AHI1: variants seen among roughly 807,000 people sequenced by gnomAD.
The protein encoded by AHI1 is Abelson helper integration site 1.
Under a neutral mutation model 149.3 loss-of-function variants are expected in AHI1, and 123 were observed. The ratio of observed to expected loss-of-function variants is 0.82; its 90% CI spans 0.71 to 0.96. AHI1 has a LOEUF of 0.96. Ranked by LOEUF, AHI1 falls within the 40% of genes least tolerant of loss-of-function variation. The pLI, the probability that AHI1 is intolerant of heterozygous loss-of-function variation, is 0.00. For synonymous variants in AHI1, 475 were observed against 459.8 expected (o/e 1.03, Z -0.42); for missense variants, 1,439 against 1,422.7 (o/e 1.01, Z -0.18).
Position 135,457,508 on chromosome 6 carries a change from G to T in AHI1, c.1137C>A (p.Val379=). Reference sequence around the variant, plus strand: ...AAAAAAATTACCTATCATCTTTCTTGACATATTGACCAGTATGCTCATCAA... The same window carrying T: ...AAAAAAATTACCTATCATCTTTCTTTACATATTGACCAGTATGCTCATCAA... ...HVVDEHTGQY[V]KKDDSGRPVS... The change falls in exon 9 of 29, where the codon GTC becomes GTA. Residue 379 remains valine (V), a synonymous_variant. Transcript: ENST00000265602. The T allele has an allele frequency of 6.2e-7, 1 of 1,611,066 alleles. No homozygotes were observed. The highest frequency in any genetic ancestry group is 1.1e-5 in the South Asian group (1 of 90,634).
chr6:135,322,243 T>A (rs1044274523), intron 25 of AHI1, among the ~76,000 whole-genome samples: 2 of 152,222 alleles, frequency 1.3e-5, no homozygotes, highest in Non-Finnish European at 2.9e-5. Flanking sequence ...AGGTTAGAAG[T>A]CAGTTTTCCT....
chr6:135,420,822 T>A (rs963093442), intron 20 of AHI1, among the ~76,000 whole-genome samples: 7 of 152,210 alleles, frequency 4.6e-5, no homozygotes, highest in African/African-American at 1.4e-4. Context: ...TGAAGAACTT[T>A]TACTTCGCAT....
chr6:135,356,669 T>C (rs928394803), intron 24 of AHI1, among the ~76,000 whole-genome samples: 1 of 152,206 alleles, frequency 6.6e-6, no homozygotes, highest in Admixed American at 6.5e-5. Context: ...CATTCTTTAA[T>C]TTTTTAATAC....
intron 27 of AHI1, among the ~76,000 whole-genome samples, chr6:135,298,967 A>G (rs1783511639): frequency 6.6e-6 from 1 of 152,074 alleles, no homozygotes; most frequent in Admixed American, 6.5e-5. Context: ...TGTTCCCATG[A>G]TGTGTTAAAC....
At position 135,433,053 on chromosome 6, in the gene AHI1, A is replaced by G; in HGVS notation, c.2240T>C (p.Ile747Thr). ...TTCAGTATCAAAACAAAGTGAGTTG[A>G]TAAAACTTTTGTGAACATCAAACTG... ...VRQFDVHKSF[I>T]NSLCFDTEGH... Residue 747 changes from isoleucine (I) to threonine (T), a missense_variant, in exon 16 of 29, where the codon ATC (isoleucine) becomes ACC (threonine). By Grantham distance (89) the Ile-to-Thr change is moderately conservative. Coordinates refer to ENST00000265602, the MANE Select transcript of AHI1 (RefSeq NM_001134831.2). 2 of 1,613,116 alleles carry G rather than the reference A, an allele frequency of 1.2e-6. No homozygotes were observed. Among genetic ancestry groups the G allele is most frequent in the Non-Finnish European group, 1.7e-6 (2 of 1,179,194 alleles).
At chr6:135,490,470 T>C (rs887327099) in intron 5 of AHI1, 153 bp downstream of exon 5, 26 of 874,718 alleles carry the variant, frequency 3.0e-5, no homozygotes, top group East Asian at 1.2e-4. Context: ...TTGATTCTAA[T>C]ATAAACTTTA....
At chr6:135,293,414 AAAAAAAAAAAGAAAAAAAG>A (rs1441399342) in intron 27 of AHI1, among the ~76,000 whole-genome samples, 5,539 of 146,040 alleles carry the variant, frequency 0.038, 135 homozygotes, top group Non-Finnish European at 0.056. Context: ...AAGAAAAAAA[AAAAAAAAAAAGAAAAAAAG>A]AAAGAAAGAA....
At chr6:135,496,736 A>C (rs1387435532) in intron 2 of AHI1, among the ~76,000 whole-genome samples, 2 of 152,222 alleles carry the variant, frequency 1.3e-5, no homozygotes, top group Non-Finnish European at 2.9e-5. Flanking sequence ...ATGTTATCGC[A>C]AGGGAAAAAA....
chr6:135,312,224 G>A (rs1157007134), intron 26 of AHI1, among the ~76,000 whole-genome samples: 1 of 152,058 alleles, frequency 6.6e-6, no homozygotes, highest in Non-Finnish European at 1.5e-5. Context: ...TACCAAACAG[G>A]GATGTGGGCT....
intron 23 of AHI1, among the ~76,000 whole-genome samples, chr6:135,377,343 C>A (rs1776096283): frequency 6.6e-6 from 1 of 152,134 alleles, no homozygotes; most frequent in South Asian, 2.1e-4. Flanking sequence ...TTACAGTAGG[C>A]AAACTGAATC....
intron 22 of AHI1, among the ~76,000 whole-genome samples, chr6:135,401,426 C>T (rs961131046): frequency 1.3e-5 from 2 of 152,060 alleles, no homozygotes; most frequent in East Asian, 1.9e-4. Context: ...AAAAAACAAG[C>T]GAGCCTTCAA....
intron 15 of AHI1, among the ~76,000 whole-genome samples, chr6:135,437,578 G>A (rs1004658877): frequency 6.6e-6 from 1 of 152,200 alleles, no homozygotes; most frequent in South Asian, 2.1e-4. Context: ...ATCAGTAGAA[G>A]AAGTGGTCTG....
intron 22 of AHI1, among the ~76,000 whole-genome samples, chr6:135,401,852 C>A (rs1395849795): frequency 4.6e-5 from 7 of 151,958 alleles, no homozygotes; most frequent in Admixed American, 2.0e-4. Context: ...CATAAAAAAA[C>A]CTTTTTGTTT....
At chr6:135,294,064 C>T (rs1261791355) in intron 27 of AHI1, among the ~76,000 whole-genome samples, 2 of 152,190 alleles carry the variant, frequency 1.3e-5, no homozygotes, top group East Asian at 1.9e-4. Flanking sequence ...TTGGCTCACA[C>T]CTGTAATCCC....
At chr6:135,348,987 C>A (rs1791663987) in intron 24 of AHI1, among the ~76,000 whole-genome samples, 1 of 152,070 alleles carries the variant, frequency 6.6e-6, no homozygotes. Context: ...CTTGTCTCAA[C>A]AACATATCTT....
intron 11 of AHI1, among the ~76,000 whole-genome samples, chr6:135,451,159 G>A (rs997591756): frequency 6.6e-6 from 1 of 151,924 alleles, no homozygotes; most frequent in Non-Finnish European, 1.5e-5. Flanking sequence ...ACCACATCTG[G>A]CAAATTTTTG....
At chr6:135,285,756 T>C in intron 28 of AHI1, 109 bp from the exon 29 acceptor site, 1 of 899,406 alleles carries the variant, frequency 1.1e-6, no homozygotes, top group Non-Finnish European at 1.7e-6. Context: ...AAGGACATTG[T>C]GTAAAACACA....
intron 23 of AHI1, among the ~76,000 whole-genome samples, chr6:135,371,546 T>C (rs1373678849): frequency 6.6e-6 from 1 of 152,218 alleles, no homozygotes; most frequent in African/African-American, 2.4e-5. Context: ...AGTCTTATCA[T>C]TCTTCTGCTC....
In AHI1 at chr6:135,302,585, T is replaced by G. The variant is rs926019453; in HGVS notation, c.3427-2027A>C. On this transcript the variant is annotated intron_variant, in intron 26 of 28. Coordinates refer to ENST00000265602, the MANE Select transcript of AHI1 (RefSeq NM_001134831.2). ...CCTTTTTAATGATGCAGAGGCAGCT[T>G]AGCCTGTGTTCAAATTATATGAATC... 9 of 1,129,786 alleles carry G rather than the reference T, an allele frequency of 8.0e-6. No homozygotes were observed. The Admixed American group carries it at 1.9e-4, about 23-fold the overall frequency. The allele number at this position is 1,129,786 out of a possible 1,614,324, so 70.0% of individuals were successfully genotyped here.
Sources: allele counts gnomAD v4.1 joint callset (sites outside exome capture counted in the v4.1 genomes callset), GRCh38; gene constraint gnomAD v4.1.1; transcripts MANE v1.5; gene names NCBI Gene and HGNC (gene_info 2026-07-23, HGNC 2026-07-21).